The following TAF4B variants were observed in gnomAD, a reference collection of about 807,000 sequenced individuals.
TAF4B encodes the protein TATA-box binding protein associated factor 4b.
TAF4B carries 38 observed loss-of-function variants against 86.4 expected under a neutral mutation model. The ratio of observed to expected loss-of-function variants is 0.44; its 90% CI spans 0.34 to 0.58. The LOEUF (loss-of-function observed/expected upper bound fraction) is 0.58. Ranked by LOEUF, TAF4B falls within the 20% of genes least tolerant of loss-of-function variation. The pLI is 0.02. For missense variants in TAF4B, 988 were observed against 1,027.6 expected (o/e 0.96, Z 0.53); for synonymous variants, 388 against 391.2 (o/e 0.99, Z 0.10).
chr18:26,319,790 G>A (rs964247331), intron 10 of TAF4B, among the ~76,000 whole-genome samples: 6 of 151,948 alleles, frequency 3.9e-5, no homozygotes, highest in Admixed American at 6.6e-5. Flanking sequence ...GGGTTTCACC[G>A]TGTTAGTCAG....
At position 26,280,688 on chromosome 18, in the gene TAF4B, T is replaced by G. The variant is rs140490339; in HGVS notation, c.883-1283T>G. Reference sequence around the variant, plus strand: ...GGCTGCAAAGAGAAGCGAACACTTATACGCTGTTGGTGGGAATGTAAATTA... The same window carrying G: ...GGCTGCAAAGAGAAGCGAACACTTAGACGCTGTTGGTGGGAATGTAAATTA... On this transcript the variant is annotated intron_variant, in intron 5 of 14. Coordinates refer to ENST00000269142, the MANE Select transcript of TAF4B (RefSeq NM_005640.3). 1.6e-4 allele frequency among the ~76,000 whole-genome samples: 25 copies of G among 152,340 alleles called. No homozygotes were observed. In the East Asian group the frequency reaches 4.6e-3, roughly 28 times the overall value.
At chr18:26,252,487 A>G (rs1287954152) in intron 1 of TAF4B, among the ~76,000 whole-genome samples, 1 of 152,150 alleles carries the variant, frequency 6.6e-6, no homozygotes, top group Non-Finnish European at 1.5e-5. Context: ...ACTGCCTCCA[A>G]AAATATTAAG....
intron 1 of TAF4B, among the ~76,000 whole-genome samples, chr18:26,249,934 G>C (rs1282368809): frequency 6.6e-6 from 1 of 152,156 alleles, no homozygotes; most frequent in East Asian, 1.9e-4. Context: ...TGTTGGCCAG[G>C]CTGGTCTCAA....
At chr18:26,323,461 C>A (rs985113552) in intron 11 of TAF4B, among the ~76,000 whole-genome samples, 49 of 151,962 alleles carry the variant, frequency 3.2e-4, no homozygotes, top group Non-Finnish European at 5.1e-4. Flanking sequence ...CCACCTCAAG[C>A]CACCCTCCCA....
intron 9 of TAF4B, among the ~76,000 whole-genome samples, chr18:26,297,600 G>C (rs1380651667): frequency 6.6e-6 from 1 of 152,178 alleles, no homozygotes; most frequent in East Asian, 1.9e-4. Flanking sequence ...AGTTCATGTT[G>C]TGTCTGGCTT....
At chr18:26,255,078 C>G (rs996074856) in intron 1 of TAF4B, among the ~76,000 whole-genome samples, 1 of 152,078 alleles carries the variant, frequency 6.6e-6, no homozygotes, top group Non-Finnish European at 1.5e-5. Context: ...AATGCCCCAA[C>G]CACTGCTTCT....
At chr18:26,285,166 T>C (rs1317647084) in intron 6 of TAF4B, among the ~76,000 whole-genome samples, 1 of 144,428 alleles carries the variant, frequency 6.9e-6, no homozygotes, top group Admixed American at 7.4e-5. Flanking sequence ...AGAGACGAGG[T>C]TTTACCATGT....
Position 26,256,795 on chromosome 18 carries a change from T to C in TAF4B, c.344-8375T>C, listed in dbSNP as rs545563542. ...TGGTTACTTAGAAGTGTGTTTATTA[T>C]GCACATATTTGGGAGTTACCCCACT... On this transcript the variant is annotated intron_variant, in intron 1 of 14. Coordinates refer to ENST00000269142, the MANE Select transcript of TAF4B (RefSeq NM_005640.3). 1.1e-4 allele frequency among the ~76,000 whole-genome samples: 16 copies of C among 149,866 alleles called. No individual in the cohort carries two copies. In the East Asian group the frequency reaches 3.1e-3, roughly 29 times the overall value.
At chr18:26,272,835 G>T (rs2056338085) in intron 3 of TAF4B, among the ~76,000 whole-genome samples, 1 of 152,176 alleles carries the variant, frequency 6.6e-6, no homozygotes, top group South Asian at 2.1e-4. Context: ...AGGTTGGAGA[G>T]CAGGACTAAA....
chr18:26,377,256 ATTC>A (rs1014949728), intron 14 of TAF4B, among the ~76,000 whole-genome samples: 7 of 152,118 alleles, frequency 4.6e-5, no homozygotes, highest in Admixed American at 1.3e-4. Context: ...ATTGGTGTTA[ATTC>A]TTCTTTAAAT....
chr18:26,227,327 C>G, intron 1 of TAF4B, 51 bp downstream of exon 1: 1 of 1,553,660 alleles, frequency 6.4e-7, no homozygotes, highest in Non-Finnish European at 8.7e-7. Flanking sequence ...CTGGCGGCGA[C>G]GGGAAAATTC....
chr18:26,240,601 G>T (rs952181605), intron 1 of TAF4B, among the ~76,000 whole-genome samples: 2 of 152,110 alleles, frequency 1.3e-5, no homozygotes, highest in Non-Finnish European at 2.9e-5. Context: ...GATTGCCCTG[G>T]CCAGAACTTC....
At chr18:26,325,437 T>C (rs992593471) in intron 11 of TAF4B, among the ~76,000 whole-genome samples, 2 of 151,546 alleles carry the variant, frequency 1.3e-5, no homozygotes, top group Middle Eastern at 3.2e-3. Flanking sequence ...GAACATAAGA[T>C]TGGGGTTGCT....
chr18:26,229,040 A>AT (rs1465532474), intron 1 of TAF4B, among the ~76,000 whole-genome samples: 2 of 152,000 alleles, frequency 1.3e-5, no homozygotes, highest in African/African-American at 2.4e-5. Context: ...CGCTATGCTT[A>AT]TTTTTTTACT....
intron 1 of TAF4B, among the ~76,000 whole-genome samples, chr18:26,254,876 A>G (rs2056059276): frequency 6.6e-6 from 1 of 152,230 alleles, no homozygotes; most frequent in Non-Finnish European, 1.5e-5. Context: ...TTTCTCCTCC[A>G]AGGGATTTGC....
intron 1 of TAF4B, among the ~76,000 whole-genome samples, chr18:26,229,971 A>C (rs1295451862): frequency 6.6e-6 from 1 of 151,836 alleles, no homozygotes; most frequent in East Asian, 1.9e-4. Context: ...AAAAATATAT[A>C]TATATATACA....
intron 1 of TAF4B, among the ~76,000 whole-genome samples, chr18:26,254,067 A>G (rs2056045910): frequency 6.6e-6 from 1 of 152,034 alleles, no homozygotes. Flanking sequence ...CTGGGACTAC[A>G]GGCATGTGCC....
At chr18:26,262,197 C>T (rs1162022423) in intron 1 of TAF4B, among the ~76,000 whole-genome samples, 1 of 148,576 alleles carries the variant, frequency 6.7e-6, no homozygotes, top group Non-Finnish European at 1.5e-5. Flanking sequence ...CAATATGTAG[C>T]TGGGATGGGG....
At chr18:26,239,122 G>A (rs2144453338) in intron 1 of TAF4B, among the ~76,000 whole-genome samples, 1 of 152,310 alleles carries the variant, frequency 6.6e-6, no homozygotes, top group Non-Finnish European at 1.5e-5. Context: ...GGATGGCTGG[G>A]TCAAATGGTA....
Sources: gnomAD v4.1 joint callset for allele counts (sites outside exome capture counted in the v4.1 genomes callset) on GRCh38, gnomAD v4.1.1 for gene constraint, MANE v1.5 for transcripts, NCBI Gene and HGNC (gene_info 2026-07-23, HGNC 2026-07-21) for gene names.